EPB41: variants seen among roughly 807,000 people sequenced by gnomAD.
EPB41 encodes the protein protein 4.1.
Under a neutral mutation model 108.0 loss-of-function variants are expected in EPB41, and 65 were observed. That is an observed-to-expected ratio of 0.60 (90% CI 0.49 to 0.74). The LOEUF is 0.74. EPB41 is among the 30% of genes least tolerant of loss of function. The pLI is 0.00. For synonymous variants in EPB41, 336 were observed against 358.9 expected, an observed-to-expected ratio of 0.94 and a Z score of 0.72; for missense variants, 875 against 1,037.0, an observed-to-expected ratio of 0.84 and a Z score of 2.15.
intron 2 of EPB41, among the ~76,000 whole-genome samples, chr1:28,989,981 G>T (rs2095969016): frequency 6.6e-6 from 1 of 151,982 alleles, no homozygotes; most frequent in South Asian, 2.1e-4. Flanking sequence ...TATCGGCCGG[G>T]CGCAGTGGCT....
chr1:28,887,696 T>G lies in EPB41; in HGVS notation c.-8+486T>G. On this transcript the variant is annotated intron_variant, in intron 1 of 16. Coordinates refer to the EPB41 transcript ENST00000347529. The surrounding 1 kb of genome is among the most constrained non-coding windows in gnomAD (Gnocchi z 4.9). The stretch of plus-strand genomic sequence containing the variant: ...GAGCCCCGCGCCCCGCTCCGGCCCT[T>G]ACGTAACTGACTTTGAGTTTCCGGA... 1.0e-6 allele frequency: 1 copy of G among 985,108 alleles called. No individual in the cohort carries two copies. Among genetic ancestry groups the G allele is most frequent in the Non-Finnish European group, 1.2e-6 (1 of 829,736 alleles). The allele number at this position is 985,108 out of a possible 1,614,324, so 61.0% of individuals were successfully genotyped here. A position where few individuals can be genotyped will look rare whatever the true frequency, so the allele number is the denominator to read the frequency against.
intron 7 of EPB41, among the ~76,000 whole-genome samples, chr1:29,024,708 G>A (rs983115909): frequency 1.3e-5 from 2 of 151,990 alleles, no homozygotes; most frequent in African/African-American, 2.4e-5. Flanking sequence ...AGTGATGAAT[G>A]TATGTGTCTT....
chr1:29,037,647 A>G (rs1640004391), intron 10 of EPB41, among the ~76,000 whole-genome samples: 1 of 150,632 alleles, frequency 6.6e-6, no homozygotes, highest in African/African-American at 2.4e-5. Flanking sequence ...CAGTGGCGCA[A>G]TGCCTCAACC....
chr1:28,991,458 C>G (rs2096015362), intron 2 of EPB41, among the ~76,000 whole-genome samples: 1 of 151,636 alleles, frequency 6.6e-6, no homozygotes, highest in African/African-American at 2.4e-5. Context: ...AAATCCAGCA[C>G]TCTGGGAGAC....
At chr1:29,004,451 T>G (rs974176853) in intron 4 of EPB41, among the ~76,000 whole-genome samples, 2 of 152,212 alleles carry the variant, frequency 1.3e-5, no homozygotes, top group African/African-American at 4.8e-5. Context: ...CAAACACCAA[T>G]GGAGTGACTA....
intron 11 of EPB41, among the ~76,000 whole-genome samples, chr1:29,050,318 C>T (rs1343877429): frequency 6.6e-6 from 1 of 152,216 alleles, no homozygotes; most frequent in Non-Finnish European, 1.5e-5. Flanking sequence ...GCTAGGAATG[C>T]TGAAGACATA....
chr1:28,985,018 A>G (rs2095842917), intron 1 of EPB41, among the ~76,000 whole-genome samples: 1 of 151,540 alleles, frequency 6.6e-6, no homozygotes, highest in Admixed American at 6.6e-5. Flanking sequence ...AGGCTGGAGT[A>G]CAATGGCATG....
intron 11 of EPB41, among the ~76,000 whole-genome samples, chr1:29,050,654 G>T (rs1167600996): frequency 1.3e-5 from 2 of 152,038 alleles, no homozygotes; most frequent in African/African-American, 2.4e-5. Flanking sequence ...AGAGGCCGCA[G>T]ATTTTTCATG....
At chr1:28,953,475 T>C (rs2094823224) in intron 1 of EPB41, among the ~76,000 whole-genome samples, 1 of 152,204 alleles carries the variant, frequency 6.6e-6, no homozygotes, top group Non-Finnish European at 1.5e-5. Context: ...CAAGATGGCA[T>C]GTTAACTTTG....
At chr1:28,934,302 G>C (rs901262514) in intron 1 of EPB41, among the ~76,000 whole-genome samples, 1 of 152,130 alleles carries the variant, frequency 6.6e-6, no homozygotes, top group Non-Finnish European at 1.5e-5. Flanking sequence ...TATCACTACT[G>C]ATGTTGACCT....
intron 1 of EPB41, among the ~76,000 whole-genome samples, chr1:28,985,213 C>T (rs1298349545): frequency 2.0e-5 from 3 of 152,088 alleles, no homozygotes; most frequent in Non-Finnish European, 4.4e-5. Context: ...ATCTGCCCGC[C>T]TCGGCCTCCC....
At chr1:28,923,512 C>T (rs1028665731) in intron 1 of EPB41, among the ~76,000 whole-genome samples, 5 of 151,984 alleles carry the variant, frequency 3.3e-5, no homozygotes, top group Non-Finnish European at 2.9e-5. Context: ...AGTGCCATTC[C>T]GTCTCCTAAA....
chr1:29,087,030 C>T (rs1216949398), intron 16 of EPB41, among the ~76,000 whole-genome samples: 2 of 148,814 alleles, frequency 1.3e-5, no homozygotes, highest in Non-Finnish European at 3.0e-5. Flanking sequence ...CTGCAAGCTC[C>T]GCCTCCTGGG....
rs1449640202 is a variant in EPB41 at position 28,887,733 on chromosome 1, AC to A, written c.-8+526del. On this transcript the variant is annotated intron_variant, in intron 1 of 16. Transcript: ENST00000347529. This position sits in a 1 kb window ranked among gnomAD's most constrained non-coding sequence, Gnocchi z 4.9. ...TTTGAGTTTCCGGACCCAGGAACCG[AC>A]CCGCCAGCTGGGGCGCCGGCTGTGC... 1 of 975,152 alleles carries A rather than the reference AC, an allele frequency of 1.0e-6. No homozygotes were observed. The highest frequency in any genetic ancestry group is 1.8e-5 in the African/African-American group (1 of 56,864). 60.4% of individuals were successfully genotyped at this position (975,152 alleles called of 1,614,324 possible).
chr1:28,950,865 T>C (rs2094693055), intron 1 of EPB41, among the ~76,000 whole-genome samples: 1 of 152,184 alleles, frequency 6.6e-6, no homozygotes, highest in African/African-American at 2.4e-5. Flanking sequence ...GACGGAGTTT[T>C]GCTCTTGTTG....
intron 16 of EPB41, 167 bp downstream of exon 16, chr1:29,065,325 T>A: frequency 7.8e-7 from 1 of 1,284,248 alleles, no homozygotes; most frequent in Non-Finnish European, 1.0e-6. Context: ...TATTTTTTTT[T>A]AAGTCAGGTA....
chr1:29,029,591 T>C (rs937954528), intron 7 of EPB41, among the ~76,000 whole-genome samples: 2 of 152,196 alleles, frequency 1.3e-5, no homozygotes, highest in African/African-American at 4.8e-5. Context: ...TTGTGCAGCA[T>C]TAGGAGTGAT....
intron 4 of EPB41, among the ~76,000 whole-genome samples, chr1:29,007,207 T>G (rs2096420212): frequency 6.6e-6 from 1 of 152,150 alleles, no homozygotes; most frequent in African/African-American, 2.4e-5. Context: ...TCCTCCTGCT[T>G]CAGCCTCCCG....
chr1:28,962,223 G>C (rs1280624870), intron 1 of EPB41, among the ~76,000 whole-genome samples: 1 of 151,968 alleles, frequency 6.6e-6, no homozygotes, highest in Non-Finnish European at 1.5e-5. Flanking sequence ...ATCATGCCCG[G>C]CTAATTTTTG....
Sources: allele counts gnomAD v4.1 joint callset (sites outside exome capture counted in the v4.1 genomes callset), GRCh38; gene constraint gnomAD v4.1.1; non-coding constraint Gnocchi (gnomAD v3.1); transcripts MANE v1.5; gene names NCBI Gene and HGNC (gene_info 2026-07-23, HGNC 2026-07-21).